TBC1D5: variants seen among roughly 807,000 people sequenced by gnomAD.
TBC1D5 encodes TBC1 domain family, member 5.
A neutral mutation model predicts 100.3 loss-of-function variants in TBC1D5; 75 were observed. The ratio of observed to expected loss-of-function variants is 0.75; its 90% confidence interval spans 0.62 to 0.91. The LOEUF is 0.91. Ranked by LOEUF, TBC1D5 falls within the 40% of genes least tolerant of loss-of-function variation. The probability of loss-of-function intolerance (pLI) is 0.00; values close to 1 mark genes in which losing one functional copy is unlikely to be tolerated. For synonymous variants in TBC1D5, 323 were observed against 325.6 expected (o/e 0.99, Z 0.09); for missense variants, 910 against 942.4 (o/e 0.97, Z 0.45).
At chr3:17,221,866 A>G (rs1282646548) in intron 17 of TBC1D5, among the ~76,000 whole-genome samples, 10 of 152,214 alleles carry the variant, frequency 6.6e-5, no homozygotes, top group Admixed American at 6.5e-4. Context: ...TAAGTTTGTG[A>G]TAATTTTTAA....
chr3:17,712,816 C>T (rs943589177), intron 1 of TBC1D5, among the ~76,000 whole-genome samples: 1 of 152,152 alleles, frequency 6.6e-6, no homozygotes, highest in African/African-American at 2.4e-5. Flanking sequence ...AACTCAGAGC[C>T]CTGGAATCAG....
chr3:17,475,940 A>G (rs2095433196), intron 3 of TBC1D5, among the ~76,000 whole-genome samples: 1 of 152,096 alleles, frequency 6.6e-6, no homozygotes, highest in Non-Finnish European at 1.5e-5. Context: ...ATTTTTGCCA[A>G]TCTAGAGGTT....
chr3:17,701,157 G>T (rs563953029), intron 1 of TBC1D5, among the ~76,000 whole-genome samples: 1 of 152,168 alleles, frequency 6.6e-6, no homozygotes, highest in East Asian at 1.9e-4. Flanking sequence ...GCCATAAAAA[G>T]GATGAGTTCA....
At chr3:17,652,466 G>A (rs921372989) in intron 1 of TBC1D5, among the ~76,000 whole-genome samples, 35 of 152,006 alleles carry the variant, frequency 2.3e-4, no homozygotes, top group Non-Finnish European at 3.8e-4. Flanking sequence ...TCCTTAAACC[G>A]GTAAATTTCC....
At chr3:17,160,721 A>G in exon 22 of TBC1D5, 1 of 506,686 alleles carries the variant, frequency 2.0e-6, no homozygotes, top group South Asian at 3.4e-5. Context: ...TCAGAGCAAG[A>G]GTCGGGTGGG....
chr3:17,411,681 C>T (rs779732146), intron 4 of TBC1D5, among the ~76,000 whole-genome samples: 1 of 152,086 alleles, frequency 6.6e-6, no homozygotes, highest in Non-Finnish European at 1.5e-5. Flanking sequence ...AGATTCATTG[C>T]CATCTTGTCA....
intron 1 of TBC1D5, among the ~76,000 whole-genome samples, chr3:17,661,628 G>A (rs775577409): frequency 5.9e-5 from 9 of 151,628 alleles, no homozygotes. Flanking sequence ...AGCCTCCTGA[G>A]TAGCAGGGAC....
At chr3:17,304,583 T>TTGTAGAGATGGGGTACAAAATTTA (rs2083207044) in intron 14 of TBC1D5, among the ~76,000 whole-genome samples, 1 of 152,086 alleles carries the variant, frequency 6.6e-6, no homozygotes, top group Non-Finnish European at 1.5e-5. Flanking sequence ...AAATTTTATT[T>TTGTAGAGATGGGGTACAAAATTTA]TTTGTAGAGA....
intron 16 of TBC1D5, among the ~76,000 whole-genome samples, chr3:17,240,869 G>A (rs955814254): frequency 1.3e-5 from 2 of 152,112 alleles, no homozygotes; most frequent in Non-Finnish European, 2.9e-5. Context: ...GAAACTGCTA[G>A]AGCATTATCA....
At chr3:17,291,998 A>T in exon 15 of TBC1D5, 2 of 1,612,142 alleles carry the variant, frequency 1.2e-6, no homozygotes, top group African/African-American at 2.7e-5. Flanking sequence ...GTTACTAGAG[A>T]TCACTAAATA....
intron 2 of TBC1D5, among the ~76,000 whole-genome samples, chr3:17,599,492 C>T (rs1332274513): frequency 1.3e-5 from 2 of 152,130 alleles, no homozygotes; most frequent in East Asian, 3.8e-4. Flanking sequence ...CTGAGAGCCA[C>T]CTCCATCACT....
At chr3:17,267,153 A>C (rs987273515) in intron 15 of TBC1D5, among the ~76,000 whole-genome samples, 1 of 152,066 alleles carries the variant, frequency 6.6e-6, no homozygotes, top group Non-Finnish European at 1.5e-5. Context: ...AAGAGAAATA[A>C]ATTTTTTTCT....
At chr3:17,185,844 TA>T (rs1318029853) in intron 18 of TBC1D5, among the ~76,000 whole-genome samples, 2 of 152,116 alleles carry the variant, frequency 1.3e-5, no homozygotes, top group Admixed American at 1.3e-4. Flanking sequence ...GATATGACAC[TA>T]AAATACTTCA....
chr3:17,262,490 T>G (rs1189725892), intron 15 of TBC1D5, among the ~76,000 whole-genome samples: 2 of 150,530 alleles, frequency 1.3e-5, no homozygotes, highest in Non-Finnish European at 3.0e-5. Flanking sequence ...TTTTTTTTTT[T>G]TTTTTTTTTG....
chr3:17,573,684 C>A (rs1216826757), intron 2 of TBC1D5, among the ~76,000 whole-genome samples: 1 of 152,014 alleles, frequency 6.6e-6, no homozygotes, highest in Admixed American at 6.6e-5. Context: ...GTATTTCCCT[C>A]CACCTAGAGT....
chr3:17,202,487 C>A (rs1372891914), intron 18 of TBC1D5, among the ~76,000 whole-genome samples: 1 of 152,146 alleles, frequency 6.6e-6, no homozygotes, highest in Non-Finnish European at 1.5e-5. Flanking sequence ...CAGAAATTTG[C>A]AAAGTAAAGA....
At chr3:17,508,981 A>G (rs865874394) in intron 2 of TBC1D5, among the ~76,000 whole-genome samples, 11 of 152,126 alleles carry the variant, frequency 7.2e-5, no homozygotes, top group South Asian at 2.1e-4. Context: ...AAATATAGCA[A>G]ATTAAAATTA....
chr3:17,336,531 T>G (rs1410823115), intron 13 of TBC1D5, among the ~76,000 whole-genome samples: 1 of 152,076 alleles, frequency 6.6e-6, no homozygotes, highest in Non-Finnish European at 1.5e-5. Context: ...TTCAAAGTTG[T>G]AAAATGGCTG....
At chr3:17,527,665 A>G (rs1305188413) in intron 2 of TBC1D5, among the ~76,000 whole-genome samples, 1 of 152,168 alleles carries the variant, frequency 6.6e-6, no homozygotes, top group Non-Finnish European at 1.5e-5. Context: ...GGTATATGAG[A>G]AAGTACAAAA....
Sources: allele counts gnomAD v4.1 joint callset (sites outside exome capture counted in the v4.1 genomes callset), GRCh38; gene constraint gnomAD v4.1.1; transcripts MANE v1.5; gene names NCBI Gene and HGNC (gene_info 2026-07-23, HGNC 2026-07-21).